The following TAFA1 variants were observed in gnomAD, a reference collection of about 807,000 sequenced individuals.
TAFA1 encodes the protein TAFA chemokine like family member 1.
TAFA1 carries 4 observed loss-of-function variants against 18.5 expected under a neutral mutation model. The observed-to-expected ratio is 0.22, with a 90% confidence interval of 0.11 to 0.49. TAFA1 has a LOEUF of 0.49. Among genes scored for constraint, TAFA1 ranks in the 20% least tolerant of loss-of-function variants. The probability of loss-of-function intolerance (pLI) is 0.98; values close to 1 mark genes in which losing one functional copy is unlikely to be tolerated. For missense variants in TAFA1, 147 were observed against 169.0 expected, an observed-to-expected ratio of 0.87 and a Z score of 0.72; for synonymous variants, 56 against 55.2, an observed-to-expected ratio of 1.01 and a Z score of -0.06.
At chr3:68,299,154 C>G (rs1223672760) in intron 2 of TAFA1, among the ~76,000 whole-genome samples, 1 of 152,158 alleles carries the variant, frequency 6.6e-6, no homozygotes, top group Non-Finnish European at 1.5e-5. Flanking sequence ...TCCACATGTC[C>G]AGGATGGCAC....
intron 2 of TAFA1, among the ~76,000 whole-genome samples, chr3:68,181,289 G>C (rs575979674): frequency 1.5e-4 from 22 of 151,530 alleles, no homozygotes; most frequent in African/African-American, 3.9e-4. Flanking sequence ...CTTGTTTTAA[G>C]CTGCTGAAAT....
intron 1 of TAFA1, 142 bp downstream of exon 1, chr3:68,004,844 A>T (rs1342676239): frequency 6.6e-6 from 1 of 152,154 alleles, no homozygotes; most frequent in Non-Finnish European, 1.5e-5. Flanking sequence ...GTAAAGGAGC[A>T]AGCAGTGAGA....
At chr3:68,011,823 G>A (rs879343035) in intron 2 of TAFA1, among the ~76,000 whole-genome samples, 5 of 152,098 alleles carry the variant, frequency 3.3e-5, no homozygotes, top group Admixed American at 1.3e-4. Context: ...GCAGAGTCAG[G>A]GTGCAGCTAT....
intron 3 of TAFA1, among the ~76,000 whole-genome samples, chr3:68,469,137 A>G (rs956090524): frequency 1.3e-5 from 2 of 152,022 alleles, no homozygotes; most frequent in Non-Finnish European, 2.9e-5. Context: ...TTAAAATACC[A>G]TTAAAATAAT....
intron 2 of TAFA1, among the ~76,000 whole-genome samples, chr3:68,032,673 C>T (rs1193953296): frequency 6.6e-6 from 1 of 152,138 alleles, no homozygotes; most frequent in Admixed American, 6.6e-5. Context: ...TTCTCTCTGG[C>T]TCTGCTTTTT....
chr3:68,173,270 A>C (rs2066081621), intron 2 of TAFA1, among the ~76,000 whole-genome samples: 1 of 152,196 alleles, frequency 6.6e-6, no homozygotes, highest in East Asian at 1.9e-4. Flanking sequence ...CAAATGTACT[A>C]AGATGTAAAA....
intron 2 of TAFA1, chr3:68,144,854 C>T (rs1348554854): frequency 1.6e-6 from 1 of 611,836 alleles, no homozygotes; most frequent in East Asian, 2.8e-5. Flanking sequence ...TTAACCTGAG[C>T]ACAATGTCTT....
intron 3 of TAFA1, among the ~76,000 whole-genome samples, chr3:68,517,642 C>A (rs1355528): frequency 1.3e-5 from 2 of 152,006 alleles, no homozygotes; most frequent in African/African-American, 4.8e-5. Flanking sequence ...TCCTGTCAAA[C>A]GAACTAATTC....
upstream of TAFA1, among the ~76,000 whole-genome samples, chr3:68,004,033 C>CT (rs1279628694): frequency 1.1e-4 from 17 of 152,252 alleles, no homozygotes; most frequent in South Asian, 1.0e-3. Flanking sequence ...TTGCAGAATG[C>CT]TTTTTTCTTG....
intron 2 of TAFA1, among the ~76,000 whole-genome samples, chr3:68,035,097 A>G (rs1316993711): frequency 1.3e-5 from 2 of 152,202 alleles, no homozygotes; most frequent in African/African-American, 4.8e-5. Context: ...AAAAAAGTCA[A>G]TAATTGTAAT....
chr3:68,326,050 T>C (rs2068772757), intron 2 of TAFA1, among the ~76,000 whole-genome samples: 1 of 152,170 alleles, frequency 6.6e-6, no homozygotes, highest in Non-Finnish European at 1.5e-5. Context: ...TAGAATACAT[T>C]AGAATGTCTG....
At chr3:68,396,464 G>T (rs944210191) in intron 2 of TAFA1, among the ~76,000 whole-genome samples, 15 of 152,122 alleles carry the variant, frequency 9.9e-5, no homozygotes, top group Admixed American at 3.3e-4. Flanking sequence ...AAACAAAAAA[G>T]AACCTTTTAT....
At chr3:68,138,031 A>G (rs953626132) in intron 2 of TAFA1, among the ~76,000 whole-genome samples, 6 of 152,062 alleles carry the variant, frequency 3.9e-5, no homozygotes, top group African/African-American at 1.4e-4. Flanking sequence ...CTTCCCGAAA[A>G]TTAGGGCAAA....
chr3:68,445,628 A>T (rs1297879777), intron 3 of TAFA1, among the ~76,000 whole-genome samples: 2 of 152,112 alleles, frequency 1.3e-5, no homozygotes, highest in Admixed American at 1.3e-4. Context: ...ATAAGATGTA[A>T]GACCCCTTGG....
intron 2 of TAFA1, among the ~76,000 whole-genome samples, chr3:68,133,181 G>T (rs1469506522): frequency 2.0e-5 from 3 of 152,108 alleles, no homozygotes; most frequent in African/African-American, 7.2e-5. Flanking sequence ...GGTTGCAGAT[G>T]TATGTTGTTA....
chr3:68,017,598 G>C (rs191472927), intron 2 of TAFA1, among the ~76,000 whole-genome samples: 2 of 152,236 alleles, frequency 1.3e-5, no homozygotes, highest in Admixed American at 6.5e-5. Flanking sequence ...TCCAAAAAAT[G>C]TGTGCCATGA....
chr3:68,295,646 A>G lies in TAFA1; in HGVS notation c.119-121634A>G, dbSNP rs545518635. Among the ~76,000 whole-genome samples the G allele has an allele frequency of 4.6e-5, 7 of 152,218 alleles. 1 individual carries two copies. The highest frequency in any genetic ancestry group is 1.7e-4 in the African/African-American group (7 of 41,536). On this transcript the variant is annotated intron_variant, in intron 2 of 4. Transcript: ENST00000478136. ...TTTTGAGACAGGGTCTTTCTCTGTC[A>G]CCCAGGCTGGAGTACAGTGATGTCG...
intron 2 of TAFA1, among the ~76,000 whole-genome samples, chr3:68,051,906 A>G (rs1054731479): frequency 4.6e-5 from 7 of 152,194 alleles, no homozygotes; most frequent in African/African-American, 1.7e-4. Context: ...CTTTTTAAGA[A>G]TACAAATGAC....
At chr3:68,397,669 G>C (rs1351348257) in intron 2 of TAFA1, among the ~76,000 whole-genome samples, 1 of 152,168 alleles carries the variant, frequency 6.6e-6, no homozygotes, top group Non-Finnish European at 1.5e-5. Context: ...AATCCTTTGA[G>C]TGTATACCCA....
Sources: allele counts gnomAD v4.1 joint callset (sites outside exome capture counted in the v4.1 genomes callset), GRCh38; gene constraint gnomAD v4.1.1; transcripts MANE v1.5; gene names NCBI Gene and HGNC (gene_info 2026-07-23, HGNC 2026-07-21).